The following RNF220 variants were observed in gnomAD, a reference collection of about 807,000 sequenced individuals.
The protein encoded by RNF220 is ring finger protein 220, also known as E3 ubiquitin-protein ligase RNF220.
Under a neutral mutation model 67.1 loss-of-function variants are expected in RNF220, and 7 were observed. The observed-to-expected ratio is 0.10, with a 90% CI of 0.06 to 0.20. RNF220 has a LOEUF of 0.20. Ranked by LOEUF, RNF220 falls within the 10% of genes least tolerant of loss-of-function variation. The pLI, the probability that RNF220 is intolerant of heterozygous loss-of-function variation, is 1.00. For missense variants in RNF220, 565 were observed against 740.3 expected (o/e 0.76, Z 2.75); for synonymous variants, 270 against 283.2 (o/e 0.95, Z 0.47).
chr1:44,490,575 T>C (rs1278513693), intron 2 of RNF220, among the ~76,000 whole-genome samples: 1 of 151,832 alleles, frequency 6.6e-6, no homozygotes, highest in Non-Finnish European at 1.5e-5. Context: ...CCAAAACTTA[T>C]GACATACAGC....
chr1:44,572,885 G>T, intron 2 of RNF220: 1 of 230,116 alleles, frequency 4.3e-6, no homozygotes, highest in Non-Finnish European at 9.5e-6. Context: ...TACCCATGAG[G>T]AAGGATGTTG....
At chr1:44,405,187 G>A (rs1366496906), upstream of RNF220, 1 of 304,638 alleles carries the variant, frequency 3.3e-6, no homozygotes, top group Non-Finnish European at 6.0e-6. Context: ...GAGTGTGAGA[G>A]AATGTGTGCG....
At chr1:44,563,739 T>A (rs1470160151) in intron 2 of RNF220, among the ~76,000 whole-genome samples, 2 of 152,218 alleles carry the variant, frequency 1.3e-5, no homozygotes, top group African/African-American at 4.8e-5. Flanking sequence ...AAGGTTGTTG[T>A]ACTCCTCGAA....
intron 8 of RNF220, among the ~76,000 whole-genome samples, chr1:44,639,175 T>C (rs1281524361): frequency 6.6e-6 from 1 of 152,210 alleles, no homozygotes; most frequent in Non-Finnish European, 1.5e-5. Flanking sequence ...GGAACCTAAC[T>C]ATACAGCCCT....
At chr1:44,640,609 G>T (rs1222372129) in intron 8 of RNF220, among the ~76,000 whole-genome samples, 1 of 152,192 alleles carries the variant, frequency 6.6e-6, no homozygotes, top group African/African-American at 2.4e-5. Flanking sequence ...TATCGAGGAG[G>T]CCCGGAAAGT....
intron 2 of RNF220, among the ~76,000 whole-genome samples, chr1:44,607,345 T>C (rs1471018884): frequency 1.3e-5 from 2 of 152,214 alleles, no homozygotes; most frequent in Non-Finnish European, 2.9e-5. Flanking sequence ...ACTAATGTAG[T>C]TTAAAAGTCC....
chr1:44,438,984 T>C (rs892630478), intron 2 of RNF220, among the ~76,000 whole-genome samples: 2 of 152,238 alleles, frequency 1.3e-5, no homozygotes, highest in Non-Finnish European at 2.9e-5. Flanking sequence ...CAGGGATGCA[T>C]TACATTTTAT....
At chr1:44,617,547 C>A (rs898762383) in intron 3 of RNF220, among the ~76,000 whole-genome samples, 1 of 152,248 alleles carries the variant, frequency 6.6e-6, no homozygotes, top group Admixed American at 6.5e-5. Flanking sequence ...GGCTGACGGC[C>A]GTTCAGCGGG....
intron 2 of RNF220, among the ~76,000 whole-genome samples, chr1:44,486,820 C>T (rs188614521): frequency 2.8e-4 from 43 of 152,212 alleles, no homozygotes; most frequent in Non-Finnish European, 7.4e-5. Flanking sequence ...GCCAATGTCT[C>T]CAGGAGTCAA....
At chr1:44,531,973 C>T (rs903038777) in intron 2 of RNF220, among the ~76,000 whole-genome samples, 3 of 152,112 alleles carry the variant, frequency 2.0e-5, no homozygotes, top group African/African-American at 4.8e-5. Flanking sequence ...CCTCTTTCTG[C>T]CCCCCTTTTT....
rs535931412 is a variant in RNF220, at chr1:44,622,280, G to A, written c.759-462G>A. Among the ~76,000 whole-genome samples the A allele has an allele frequency of 4.0e-4, 61 of 152,316 alleles. No homozygotes were observed. Among genetic ancestry groups the A allele is most frequent in the African/African-American group, 1.4e-3 (59 of 41,570 alleles). ...GCCTGGGGCTGACAAATTGAATCAG[G>A]GGGAGATCATTCCTGGCCTAACACA... is the stretch of plus-strand genomic sequence containing the variant. On this transcript the variant is annotated intron_variant, in intron 3 of 14. Transcript: ENST00000361799. This position sits in a 1 kb window ranked among gnomAD's most constrained non-coding sequence, Gnocchi z 4.3.
At chr1:44,539,823 A>T (rs760356601) in intron 2 of RNF220, among the ~76,000 whole-genome samples, 5 of 152,066 alleles carry the variant, frequency 3.3e-5, no homozygotes, top group Non-Finnish European at 7.4e-5. Flanking sequence ...CTCTCCCCCA[A>T]TCTATGCTCC....
intron 8 of RNF220, among the ~76,000 whole-genome samples, chr1:44,639,978 C>T (rs1644440269): frequency 6.6e-6 from 1 of 152,090 alleles, no homozygotes; most frequent in Non-Finnish European, 1.5e-5. Context: ...TTAGTAGAGA[C>T]GGGGTTTCAC....
chr1:44,587,796 G>C (rs577189594), intron 2 of RNF220, among the ~76,000 whole-genome samples: 6 of 152,362 alleles, frequency 3.9e-5, no homozygotes, highest in East Asian at 1.9e-4. Flanking sequence ...GCAGTGTTAA[G>C]GATTAGACAA....
intron 2 of RNF220, among the ~76,000 whole-genome samples, chr1:44,590,913 T>A (rs927063178): frequency 6.6e-6 from 1 of 152,114 alleles, no homozygotes; most frequent in Non-Finnish European, 1.5e-5. Flanking sequence ...TGGAAGATAG[T>A]TTTCCAGGCA....
intron 2 of RNF220, among the ~76,000 whole-genome samples, chr1:44,553,120 G>T (rs1263337112): frequency 6.6e-6 from 1 of 151,842 alleles, no homozygotes; most frequent in Non-Finnish European, 1.5e-5. Flanking sequence ...ATTTCCTCTG[G>T]GAAGCTTTCT....
At chr1:44,539,944 T>C (rs554092940) in intron 2 of RNF220, among the ~76,000 whole-genome samples, 1 of 152,372 alleles carries the variant, frequency 6.6e-6, no homozygotes, top group Non-Finnish European at 1.5e-5. Flanking sequence ...CGGCGTGGTA[T>C]GAATACTGTC....
At chr1:44,633,212 A>G (rs1179924575) in intron 6 of RNF220, among the ~76,000 whole-genome samples, 3 of 152,222 alleles carry the variant, frequency 2.0e-5, no homozygotes, top group East Asian at 1.9e-4. Context: ...GGCTGGCGCC[A>G]TGTTAAGCAC....
intron 2 of RNF220, among the ~76,000 whole-genome samples, chr1:44,571,329 A>C (rs532025617): frequency 7.2e-5 from 11 of 152,240 alleles, no homozygotes; most frequent in African/African-American, 2.6e-4. Context: ...GCAGATCCTC[A>C]TGACTCTCTT....
Sources: gnomAD v4.1 joint callset for allele counts (sites outside exome capture counted in the v4.1 genomes callset) on GRCh38, gnomAD v4.1.1 for gene constraint, Gnocchi (gnomAD v3.1) non-coding constraint, MANE v1.5 for transcripts, NCBI Gene and HGNC (gene_info 2026-07-23, HGNC 2026-07-21) for gene names.